The following DLGAP4 variants were observed in gnomAD, a reference collection of about 807,000 sequenced individuals.
The protein encoded by DLGAP4 is DLG associated protein 4.
A neutral mutation model predicts 86.9 loss-of-function variants in DLGAP4; 18 were observed. The ratio of observed to expected loss-of-function variants is 0.21; its 90% CI spans 0.14 to 0.31. The LOEUF is 0.31. Ranked by LOEUF, DLGAP4 falls within the 10% of genes least tolerant of loss-of-function variation. The pLI is 1.00. For synonymous variants in DLGAP4, 548 were observed against 574.3 expected, an observed-to-expected ratio of 0.95 and a Z score of 0.65; for missense variants, 1,085 against 1,362.6, an observed-to-expected ratio of 0.80 and a Z score of 3.21.
chr20:36,368,903 C>T (rs1389379829), intron 2 of DLGAP4, among the ~76,000 whole-genome samples: 1 of 152,170 alleles, frequency 6.6e-6, no homozygotes, highest in African/African-American at 2.4e-5. Flanking sequence ...GGGGTGAGGG[C>T]TCATCTGTTA....
rs902236821 is a variant in DLGAP4, at chr20:36,462,202, AC to A, written c.1648+15271del. On this transcript the variant is annotated intron_variant, in intron 7 of 12. Transcript: ENST00000339266. ...CCAAGTTGGGGTCTTTCTCCTTGGG[AC>A]CCCCCAATATGTCCTCAGCTCCCTG... The A allele has an allele frequency of 9.2e-6, 10 of 1,091,728 alleles. No homozygotes were observed. In the South Asian group the frequency reaches 2.4e-4, roughly 27 times the overall value. 67.6% of individuals were successfully genotyped at this position (1,091,728 alleles called of 1,614,324 possible). A position where few individuals can be genotyped will look rare whatever the true frequency, so the allele number is the denominator to read the frequency against.
At chr20:36,409,398 C>CT (rs34406684) in intron 2 of DLGAP4, among the ~76,000 whole-genome samples, 13 of 142,420 alleles carry the variant, frequency 9.1e-5, no homozygotes, top group Admixed American at 2.8e-4. Context: ...TTTTTTAAGA[C>CT]TTTTTTTTTT....
At chr20:36,354,611 C>T (rs1555893688) in intron 1 of DLGAP4, among the ~76,000 whole-genome samples, 1 of 152,178 alleles carries the variant, frequency 6.6e-6, no homozygotes, top group African/African-American at 2.4e-5. Context: ...CCCCTCACTG[C>T]ATCTCCACTA....
chr20:36,461,825 G>A (rs1186165104), intron 7 of DLGAP4: 1 of 970,436 alleles, frequency 1.0e-6, no homozygotes, highest in Non-Finnish European at 1.2e-6. Flanking sequence ...CGCTCCGCCC[G>A]CTTTGTCTCT....
rs1430558686 is a variant in DLGAP4 at position 36,347,785 on chromosome 20, C to T, written c.-303-19260C>T. Among the ~76,000 whole-genome samples the T allele has an allele frequency of 8.0e-5, 12 of 149,518 alleles. No individual in the cohort carries two copies. The Admixed American group carries it at 8.1e-4, about 10-fold the overall frequency. ...AGGCCACAGTGAGCAATGATTGTGC[C>T]ACTGCATCCTAGATGACAGAACAAG... On this transcript the variant is annotated intron_variant, in intron 1 of 12. Coordinates refer to ENST00000339266, the MANE Select transcript of DLGAP4 (RefSeq NM_001365621.2).
rs2036083741 is a variant in DLGAP4, at chr20:36,500,267, A to T, written c.2168A>T (p.Asp723Val). Residue 723 changes from aspartate (D) to valine (V), a missense_variant, in exon 10 of 13, where the codon GAC (aspartate) becomes GTC (valine). Coordinates refer to ENST00000339266, the MANE Select transcript of DLGAP4 (RefSeq NM_001365621.2). This position sits in a 1 kb window ranked among gnomAD's most constrained non-coding sequence, Gnocchi z 4.6. ...GACTCGGATACCCAGGATGCCAATG[A>T]CTCAAGCTGTAAGTCATCTGAGAGG... ...DTDSDTQDAN[D>V]SSCKSSERSL... 5.0e-6 allele frequency: 8 copies of T among 1,610,488 alleles called. No homozygotes were observed. The highest frequency in any genetic ancestry group is 6.8e-6 in the Non-Finnish European group (8 of 1,178,402).
chr20:36,377,287 G>A (rs1237465587), intron 2 of DLGAP4, among the ~76,000 whole-genome samples: 1 of 152,214 alleles, frequency 6.6e-6, no homozygotes, highest in Non-Finnish European at 1.5e-5. Flanking sequence ...TTGGCAGAGA[G>A]TCTGTAGAGG....
At chr20:36,506,086 T>C (rs1001856581) in intron 10 of DLGAP4, among the ~76,000 whole-genome samples, 1 of 152,182 alleles carries the variant, frequency 6.6e-6, no homozygotes, top group Non-Finnish European at 1.5e-5. Context: ...TTAGTGTATA[T>C]TTTACTCTTA....
chr20:36,335,854 A>G lies in DLGAP4; in HGVS notation c.-304+29342A>G, dbSNP rs1600408771. On this transcript the variant is annotated intron_variant, in intron 1 of 12. Coordinates refer to ENST00000339266, the MANE Select transcript of DLGAP4 (RefSeq NM_001365621.2). ...CCTGGTTTCCCAGAGCTGCCCAAGCATCCCCTCTTAGGGGCCTGGTCTCCC... is the reference window on the plus strand; with the variant it reads ...CCTGGTTTCCCAGAGCTGCCCAAGCGTCCCCTCTTAGGGGCCTGGTCTCCC... 3.3e-5 allele frequency among the ~76,000 whole-genome samples: 5 copies of G among 152,260 alleles called. No homozygotes were observed. The South Asian group carries it at 1.0e-3, about 32-fold the overall frequency.
chr20:36,503,310 T>C (rs527803889), intron 10 of DLGAP4, among the ~76,000 whole-genome samples: 43 of 152,132 alleles, frequency 2.8e-4, no homozygotes, highest in Non-Finnish European at 5.7e-4. Flanking sequence ...ATTCACAGTG[T>C]GGTGCAACCA....
In DLGAP4 at chr20:36,432,859, G is replaced by C; in HGVS notation, c.999+143G>C. On this transcript the variant is annotated intron_variant, in intron 3 of 12. Transcript: ENST00000339266. This position sits in a 1 kb window ranked among gnomAD's most constrained non-coding sequence, Gnocchi z 6.5. ...CAGCTATAAAATGGGTGGCCTAGTG[G>C]TACCTGCTAATCAGGGAGTCCTTCC... 9.4e-7 allele frequency: 1 copy of C among 1,063,488 alleles called. No individual in the cohort carries two copies. The highest frequency in any genetic ancestry group is 1.4e-6 in the Non-Finnish European group (1 of 736,770). 65.9% of individuals were successfully genotyped at this position (1,063,488 alleles called of 1,614,324 possible). A position where few individuals can be genotyped will look rare whatever the true frequency, so the allele number is the denominator to read the frequency against.
Position 36,491,082 on chromosome 20 carries a change from G to T in DLGAP4, c.1649-5623G>T, listed in dbSNP as rs915262969. ...AAATTAGCCAGGCATGGTGGTGCAT[G>T]CCTGTAATCCCAGCTACTCAGGAGG... On this transcript the variant is annotated intron_variant, in intron 7 of 12. Coordinates refer to ENST00000339266, the MANE Select transcript of DLGAP4 (RefSeq NM_001365621.2). Among the ~76,000 whole-genome samples the T allele has an allele frequency of 8.0e-5, 12 of 150,870 alleles. No homozygotes were observed. The Middle Eastern group carries it at 0.01, about 130-fold the overall frequency.
intron 2 of DLGAP4, among the ~76,000 whole-genome samples, chr20:36,381,942 A>G (rs2031409348): frequency 6.6e-6 from 1 of 152,182 alleles, no homozygotes. Context: ...CCAGGAGAGC[A>G]AAGAATCTGG....
At chr20:36,507,433 G>C (rs2036441596) in intron 10 of DLGAP4, among the ~76,000 whole-genome samples, 2 of 152,072 alleles carry the variant, frequency 1.3e-5, no homozygotes, top group Admixed American at 1.3e-4. Context: ...TCACCATGTT[G>C]GCCAGGCTGG....
At chr20:36,374,746 C>T (rs1397069425) in intron 2 of DLGAP4, among the ~76,000 whole-genome samples, 16 of 152,218 alleles carry the variant, frequency 1.1e-4, no homozygotes, top group Non-Finnish European at 1.8e-4. Flanking sequence ...TGCCCAGCCA[C>T]TGCTTGCATA....
intron 7 of DLGAP4, among the ~76,000 whole-genome samples, chr20:36,482,770 C>A (rs999521617): frequency 6.6e-6 from 1 of 152,168 alleles, no homozygotes; most frequent in Non-Finnish European, 1.5e-5. Flanking sequence ...CTCCCGGGTT[C>A]AAGTGATCCC....
chr20:36,483,223 G>A (rs1347523167), intron 7 of DLGAP4, among the ~76,000 whole-genome samples: 1 of 152,192 alleles, frequency 6.6e-6, no homozygotes, highest in Non-Finnish European at 1.5e-5. Flanking sequence ...CTGACAGGCT[G>A]CTTACTGGAT....
At chr20:36,483,545 T>C (rs1050444131) in intron 7 of DLGAP4, among the ~76,000 whole-genome samples, 1 of 152,204 alleles carries the variant, frequency 6.6e-6, no homozygotes, top group African/African-American at 2.4e-5. Flanking sequence ...GTGGGAATTC[T>C]GTACAGAGAA....
chr20:36,512,692 G>A (rs1447484554), intron 10 of DLGAP4: 1 of 152,322 alleles, frequency 6.6e-6, no homozygotes, highest in Admixed American at 6.6e-5. Context: ...GGTCAGGGAG[G>A]GCATCCCTGG....
Sources: gnomAD v4.1 joint callset for allele counts (sites outside exome capture counted in the v4.1 genomes callset) on GRCh38, gnomAD v4.1.1 for gene constraint, Gnocchi (gnomAD v3.1) non-coding constraint, MANE v1.5 for transcripts, NCBI Gene and HGNC (gene_info 2026-07-23, HGNC 2026-07-21) for gene names.